CD3D: variants seen among roughly 807,000 people sequenced by gnomAD.
CD3D encodes CD3 delta subunit of T-cell receptor complex, also known as T-cell surface glycoprotein CD3 delta chain.
In CD3D, 22 loss-of-function variants were observed where a neutral mutation model predicts 22.0. The ratio of observed to expected loss-of-function variants is 1.00; its 90% CI spans 0.71 to 1.43. The LOEUF is 1.43. Among genes scored for constraint, CD3D ranks in the 40% most tolerant of loss-of-function variants. CD3D has a pLI of 0.00. For synonymous variants in CD3D, 74 were observed against 81.2 expected, an observed-to-expected ratio of 0.91 and a Z score of 0.48; for missense variants, 205 against 211.7, an observed-to-expected ratio of 0.97 and a Z score of 0.20.
chr11:118,342,448 G>T, intron 1 of CD3D, 105 bp downstream of exon 1: 1 of 1,014,178 alleles, frequency 9.9e-7, no homozygotes, highest in Non-Finnish European at 1.6e-6. Context: ...TGGGATTACT[G>T]GTGTGAGCCA....
At chr11:118,339,251 G>T (rs763545091) in intron 4 of CD3D, 24 bp from the exon 5 acceptor site, 2 of 1,605,892 alleles carry the variant, frequency 1.2e-6, no homozygotes, top group Admixed American at 1.7e-5. Flanking sequence ...AGAGAAAACG[G>T]TCAGGAGGCA....
chr11:118,341,784 A>G (rs985458339), intron 1 of CD3D, among the ~76,000 whole-genome samples: 2 of 152,212 alleles, frequency 1.3e-5, no homozygotes, highest in African/African-American at 4.8e-5. Context: ...CCTACCATGT[A>G]ACAACCCCTC....
At chr11:118,341,440 A>G (rs565113033) in intron 1 of CD3D, among the ~76,000 whole-genome samples, 1 of 152,334 alleles carries the variant, frequency 6.6e-6, no homozygotes, top group African/African-American at 2.4e-5. Context: ...GGAAAAGTGG[A>G]GGCTACATTC....
At position 118,340,448 on chromosome 11, in the gene CD3D, T is replaced by G. The variant is rs761459276; in HGVS notation, c.201A>C (p.Pro67=). Residue 67 remains proline, a synonymous_variant, in exon 2 of 5, where the codon CCA becomes CCC. Coordinates refer to ENST00000300692, the MANE Select transcript of CD3D (RefSeq NM_000732.6). Reference sequence around the variant, plus strand: ...TCCCATTACACCTATATATTCCTCGTGGGTCCAGGATGCGTTTTCCCAGGT... The same window carrying G: ...TCCCATTACACCTATATATTCCTCGGGGGTCCAGGATGCGTTTTCCCAGGT... ...RLDLGKRILD[P]RGIYRCNGTD... 6.2e-7 allele frequency: 1 copy of G among 1,614,028 alleles called. No individual in the cohort carries two copies. The highest frequency in any genetic ancestry group is 8.5e-7 in the Non-Finnish European group (1 of 1,180,010).
chr11:118,340,014 T>C, intron 2 of CD3D, 108 bp from the exon 3 acceptor site: 2 of 1,322,696 alleles, frequency 1.5e-6, no homozygotes, highest in Non-Finnish European at 2.2e-6. Context: ...AACCCAAACT[T>C]CAATAAGACC....
chr11:118,340,761 C>T (rs1203363945), intron 1 of CD3D, 168 bp from the exon 2 acceptor site: 2 of 696,824 alleles, frequency 2.9e-6, no homozygotes, highest in Non-Finnish European at 5.2e-6. Flanking sequence ...GAAAGTTCCC[C>T]ACCAACTGCA....
At position 118,339,099 on chromosome 11, in the gene CD3D, G is replaced by A; in HGVS notation, c.*63C>T. On this transcript the variant is annotated 3_prime_UTR_variant, in exon 5 of 5. Coordinates refer to ENST00000300692, the MANE Select transcript of CD3D (RefSeq NM_000732.6). ...CTGAGTGAAAGAGGATATATTTATT[G>A]GCTGAGCAAGAAGGGAAGGTACAGT... 8 of 1,374,040 alleles carry A rather than the reference G, an allele frequency of 5.8e-6. No homozygotes were observed. Among genetic ancestry groups the A allele is most frequent in the Non-Finnish European group, 8.3e-6 (8 of 960,860 alleles). The allele number at this position is 1,374,040 out of a possible 1,614,324, so 85.1% of individuals were successfully genotyped here. A position where few individuals can be genotyped will look rare whatever the true frequency, so the allele number is the denominator to read the frequency against.
At chr11:118,339,596 G>A (rs1381233724) in intron 3 of CD3D, 102 bp from the exon 4 acceptor site, 2 of 1,570,688 alleles carry the variant, frequency 1.3e-6, no homozygotes, top group African/African-American at 2.7e-5. Context: ...GAACACACAA[G>A]TTCTTTCAAC....
chr11:118,340,072 G>A (rs1475978940), intron 2 of CD3D, among the ~76,000 whole-genome samples, 166 bp from the exon 3 acceptor site: 1 of 152,092 alleles, frequency 6.6e-6, no homozygotes, highest in African/African-American at 2.4e-5. Context: ...CCTCCACCCT[G>A]CATCCTAAGG....
At chr11:118,340,286 A>T in intron 2 of CD3D, 89 bp downstream of exon 2, 1 of 1,022,824 alleles carries the variant, frequency 9.8e-7, no homozygotes. Flanking sequence ...TAGAGAACAG[A>T]TGGGTTCACC....
rs1948280140 is a variant in CD3D at position 118,339,505 on chromosome 11, C to CAG, written c.407-13_407-12dup. ...CTTGTGTGTCGGCAGCTAGAAGAAC[C>CAG]AGAGAGAGACATCAATGGCCTAGCA... On this transcript the variant is annotated splice_polypyrimidine_tract_variant and intron_variant, in intron 3 of 4. Coordinates refer to ENST00000300692, the MANE Select transcript of CD3D (RefSeq NM_000732.6). 1.2e-6 allele frequency: 2 copies of CAG among 1,614,006 alleles called. No individual in the cohort carries two copies. Among genetic ancestry groups the CAG allele is most frequent in the South Asian group, 2.2e-5 (2 of 91,086 alleles).
At chr11:118,341,471 T>G (rs1948299569) in intron 1 of CD3D, among the ~76,000 whole-genome samples, 3 of 152,202 alleles carry the variant, frequency 2.0e-5, no homozygotes, top group Admixed American at 1.3e-4. Flanking sequence ...GGCTTCACAC[T>G]AAGTCCCAAA....
chr11:118,340,446 C>G lies in CD3D; in HGVS notation c.203G>C (p.Arg68Pro). The change falls in exon 2 of 5, where the codon CGA (arginine) becomes CCA (proline). Residue 68 changes from arginine (R) to proline (P), a missense_variant. Physicochemically the swap from Arg to Pro is moderately radical, Grantham distance 103. Transcript: ENST00000300692. ...TGTCCCATTACACCTATATATTCCTCGTGGGTCCAGGATGCGTTTTCCCAG... is the reference window on the plus strand; with the variant it reads ...TGTCCCATTACACCTATATATTCCTGGTGGGTCCAGGATGCGTTTTCCCAG... ...LDLGKRILDP[R>P]GIYRCNGTDI... 1 of 1,614,054 alleles carries G rather than the reference C, an allele frequency of 6.2e-7. No individual in the cohort carries two copies. Among genetic ancestry groups the G allele is most frequent in the Non-Finnish European group, 8.5e-7 (1 of 1,179,988 alleles).
chr11:118,341,035 C>T (rs1237894887), intron 1 of CD3D: 3 of 446,122 alleles, frequency 6.7e-6, no homozygotes, highest in Admixed American at 2.4e-5. Context: ...TACAACACTC[C>T]CACTTCAGCT....
At position 118,340,573 on chromosome 11, in the gene CD3D, T is replaced by C. The variant is rs201374139; in HGVS notation, c.76A>G (p.Ile26Val). The change falls in exon 2 of 5, where the codon ATA (isoleucine) becomes GTA (valine). Residue 26 changes from isoleucine to valine, a missense_variant. Transcript: ENST00000300692. ...AACACTCTGTCCTCAAGTTCCTCTA[T>C]AGGTATCTTGAAGGGGCTCACTAAA... ...LSQVSPFKIP[I>V]EELEDRVFVN... 1.7e-5 allele frequency: 27 copies of C among 1,613,408 alleles called. No individual in the cohort carries two copies. Among genetic ancestry groups the C allele is most frequent in the African/African-American group, 2.7e-5 (2 of 74,860 alleles).
In CD3D at chr11:118,339,080, G is replaced by T. The variant is rs1948274792; in HGVS notation, c.*82C>A. 8.0e-7 allele frequency: 1 copy of T among 1,253,802 alleles called. No individual in the cohort carries two copies. The highest frequency in any genetic ancestry group is 1.2e-6 in the Non-Finnish European group (1 of 851,668). 77.7% of individuals were successfully genotyped at this position (1,253,802 alleles called of 1,614,324 possible). ...TAAGAAGCCCAGGCACCTGCTGAGT[G>T]AAAGAGGATATATTTATTGGCTGAG... On this transcript the variant is annotated 3_prime_UTR_variant, in exon 5 of 5. Transcript: ENST00000300692.
At position 118,339,915 on chromosome 11, in the gene CD3D, G is replaced by C. The variant is rs202156183; in HGVS notation, c.275-9C>G. 3 of 1,614,008 alleles carry C rather than the reference G, an allele frequency of 1.9e-6. No homozygotes were observed. Among genetic ancestry groups the C allele is most frequent in the Non-Finnish European group, 2.5e-6 (3 of 1,179,982 alleles). On this transcript the variant is annotated splice_polypyrimidine_tract_variant and intron_variant, in intron 2 of 4. Transcript: ENST00000300692. ...CACACAGCTCTGGCACACTGTGGGG[G>C]AAGGGAGGAGAGAGGAGAGGTTGAG...
Position 118,339,492 on chromosome 11 carries a change from C to T in CD3D, c.409G>A (p.Ala137Thr). ...GHETGRLSGAADTQALLRNDQ... is the reference protein window; with the variant it reads ...GHETGRLSGATDTQALLRNDQ... ...TTCCTCAACAGAGCTTGTGTGTCGG[C>T]AGCTAGAAGAACCAGAGAGAGACAT... Residue 137 changes from alanine (A) to threonine (T), a missense_variant and splice_region_variant, in exon 4 of 5, where the codon GCC (alanine) becomes ACC (threonine). Physicochemically the swap from Ala to Thr is moderately conservative, Grantham distance 58. Transcript: ENST00000300692. 6.2e-7 allele frequency: 1 copy of T among 1,614,108 alleles called. No homozygotes were observed. Among genetic ancestry groups the T allele is most frequent in the Non-Finnish European group, 8.5e-7 (1 of 1,180,008 alleles).
At chr11:118,339,710 ACACAC>A (rs1948282059) in intron 3 of CD3D, 60 bp downstream of exon 3, 1 of 399,828 alleles carries the variant, frequency 2.5e-6, no homozygotes, top group Non-Finnish European at 3.1e-6. Context: ...GCTCACTGGT[ACACAC>A]ACACACACAC....
Sources: gnomAD v4.1 joint callset for allele counts (sites outside exome capture counted in the v4.1 genomes callset) on GRCh38, gnomAD v4.1.1 for gene constraint, MANE v1.5 for transcripts, NCBI Gene and HGNC (gene_info 2026-07-23, HGNC 2026-07-21) for gene names.